Variants in RAPGEF4 observed in about 807,000 individuals in gnomAD.
The protein encoded by RAPGEF4 is Rap guanine nucleotide exchange factor 4.
RAPGEF4 carries 66 observed loss-of-function variants against 147.9 expected under a neutral mutation model. The observed-to-expected ratio is 0.45, with a 90% CI of 0.37 to 0.55. The LOEUF (loss-of-function observed/expected upper bound fraction) is 0.55. RAPGEF4 is among the 20% of genes least tolerant of loss of function. The pLI is 0.00. For synonymous variants in RAPGEF4, 419 were observed against 442.7 expected, an observed-to-expected ratio of 0.95 and a Z score of 0.67; for missense variants, 1,071 against 1,257.3, an observed-to-expected ratio of 0.85 and a Z score of 2.24.
At chr2:172,876,328 GT>G (rs1458442667) in intron 4 of RAPGEF4, among the ~76,000 whole-genome samples, 5 of 152,244 alleles carry the variant, frequency 3.3e-5, no homozygotes, top group African/African-American at 1.2e-4. Context: ...TCTTGTGCCA[GT>G]TTTCAAAGGG....
chr2:172,833,666 TAAAG>T (rs1463264271), intron 4 of RAPGEF4, among the ~76,000 whole-genome samples: 2 of 152,220 alleles, frequency 1.3e-5, no homozygotes, highest in African/African-American at 4.8e-5. Context: ...CTTTGTAAAT[TAAAG>T]AAACGTGCCC....
At chr2:172,773,229 T>C (rs1410311521) in intron 1 of RAPGEF4, among the ~76,000 whole-genome samples, 2 of 152,312 alleles carry the variant, frequency 1.3e-5, no homozygotes, top group African/African-American at 4.8e-5. Flanking sequence ...CAAATAATCA[T>C]GCCACATGTG....
chr2:172,814,800 G>A (rs1264794984), intron 4 of RAPGEF4: 3 of 291,056 alleles, frequency 1.0e-5, no homozygotes, highest in Non-Finnish European at 2.0e-5. Context: ...TGTTCCCTGG[G>A]AAAGTGGAAT....
At chr2:172,929,244 G>A (rs1685677117) in intron 6 of RAPGEF4, among the ~76,000 whole-genome samples, 1 of 152,138 alleles carries the variant, frequency 6.6e-6, no homozygotes, top group African/African-American at 2.4e-5. Flanking sequence ...ATCTAGTGTT[G>A]ACATGTCATT....
chr2:172,854,493 T>C (rs1693201253), intron 4 of RAPGEF4, among the ~76,000 whole-genome samples: 1 of 152,066 alleles, frequency 6.6e-6, no homozygotes, highest in Non-Finnish European at 1.5e-5. Flanking sequence ...ATAAAGAACA[T>C]ATAGATGAAT....
In RAPGEF4 at chr2:172,881,104, A is replaced by G. The variant is rs560119473; in HGVS notation, c.445-36698A>G. Among the ~76,000 whole-genome samples the G allele has an allele frequency of 8.5e-5, 13 of 152,350 alleles. No homozygotes were observed. The South Asian group carries it at 2.7e-3, about 32-fold the overall frequency. ...ATTGTCCTGTGCACAACACAGAAAT[A>G]CTGCCCACGCTTGTGGAGGTGTGTG... On this transcript the variant is annotated intron_variant, in intron 4 of 30. Coordinates refer to ENST00000397081, the MANE Select transcript of RAPGEF4 (RefSeq NM_007023.4).
chr2:172,885,509 T>C (rs938625980), intron 4 of RAPGEF4, among the ~76,000 whole-genome samples: 4 of 152,156 alleles, frequency 2.6e-5, no homozygotes, highest in African/African-American at 9.7e-5. Flanking sequence ...AAAGAAGTGT[T>C]TTATTGGACT....
At chr2:172,946,000 G>A (rs1409071017) in intron 6 of RAPGEF4, among the ~76,000 whole-genome samples, 1 of 152,168 alleles carries the variant, frequency 6.6e-6, no homozygotes, top group Non-Finnish European at 1.5e-5. Context: ...TTCCAAATAT[G>A]AGTGGGTAAG....
At chr2:172,873,150 T>A (rs1000886154) in intron 4 of RAPGEF4, among the ~76,000 whole-genome samples, 4 of 152,210 alleles carry the variant, frequency 2.6e-5, no homozygotes, top group Non-Finnish European at 5.9e-5. Context: ...AATGTGTCTA[T>A]AATTGCATTC....
chr2:172,974,413 G>A (rs1000277342), intron 10 of RAPGEF4, among the ~76,000 whole-genome samples: 2 of 152,180 alleles, frequency 1.3e-5, no homozygotes, highest in Non-Finnish European at 2.9e-5. Context: ...GCTGGGTGTG[G>A]TGGTTCATAC....
rs377280100 is a variant in RAPGEF4, at chr2:173,048,703, G to T, written c.2908+49G>T. 8.1e-6 allele frequency: 13 copies of T among 1,613,154 alleles called. No individual in the cohort carries two copies. The African/African-American group carries it at 1.2e-4, about 15-fold the overall frequency. Reference sequence around the variant, plus strand: ...TACAATGTAGATGTTGGTGATTAAGGTCTTCTTAATGAGGCCATTGAGACA... The same window carrying T: ...TACAATGTAGATGTTGGTGATTAAGTTCTTCTTAATGAGGCCATTGAGACA... On this transcript the variant is annotated intron_variant, in intron 30 of 30. Coordinates refer to ENST00000397081, the MANE Select transcript of RAPGEF4 (RefSeq NM_007023.4).
chr2:172,960,615 C>A, intron 6 of RAPGEF4, 145 bp from the exon 7 acceptor site: 1 of 576,034 alleles, frequency 1.7e-6, no homozygotes, highest in South Asian at 3.1e-5. Flanking sequence ...CATTCAAGTT[C>A]TTTAGGCAGA....
chr2:172,746,181 G>A (rs1483978158), intron 1 of RAPGEF4, among the ~76,000 whole-genome samples: 1 of 152,222 alleles, frequency 6.6e-6, no homozygotes, highest in African/African-American at 2.4e-5. Flanking sequence ...TGAATGAAGA[G>A]TAATAAGACT....
chr2:172,902,698 G>T (rs1699199540), intron 4 of RAPGEF4, among the ~76,000 whole-genome samples: 1 of 152,082 alleles, frequency 6.6e-6, no homozygotes, highest in Non-Finnish European at 1.5e-5. Context: ...GGAAATGTAG[G>T]GCCTAATCTG....
At position 173,030,248 on chromosome 2, in the gene RAPGEF4, G is replaced by A. The variant is rs751595361; in HGVS notation, c.2643G>A (p.Thr881=). 6.2e-6 allele frequency: 10 copies of A among 1,610,970 alleles called. No homozygotes were observed. The highest frequency in any genetic ancestry group is 2.7e-5 in the African/African-American group (2 of 74,874). The part of the protein sequence containing the change: ...SNVAVSRLAL[T]WEKLPSKFKK... The stretch of plus-strand genomic sequence containing the variant: ...TTGCTGTGAGCCGCTTGGCACTAAC[G>A]TGGGAGGTAAGCTTCAGCTAGGATC... The change falls in exon 26 of 31, where the codon ACG becomes ACA. Residue 881 remains threonine (T), a synonymous_variant. Coordinates refer to ENST00000397081, the MANE Select transcript of RAPGEF4 (RefSeq NM_007023.4).
chr2:173,006,642 CTT>C (rs1353205603), intron 17 of RAPGEF4, among the ~76,000 whole-genome samples: 1 of 152,166 alleles, frequency 6.6e-6, no homozygotes, highest in Non-Finnish European at 1.5e-5. Flanking sequence ...TCATAAAAAT[CTT>C]TGTGAAATTG....
chr2:172,738,730 C>T (rs1251767693), intron 1 of RAPGEF4, among the ~76,000 whole-genome samples: 1 of 152,096 alleles, frequency 6.6e-6, no homozygotes, highest in Non-Finnish European at 1.5e-5. Flanking sequence ...GAATATGATG[C>T]TGGGACCTTT....
chr2:172,789,301 C>G (rs558563681), intron 1 of RAPGEF4, among the ~76,000 whole-genome samples: 1 of 152,324 alleles, frequency 6.6e-6, no homozygotes, highest in African/African-American at 2.4e-5. Flanking sequence ...AGAGTGATCT[C>G]TCTTCACTTT....
intron 16 of RAPGEF4, 34 bp from the exon 17 acceptor site, chr2:173,001,232 C>A (rs752843797): frequency 3.1e-6 from 5 of 1,606,048 alleles, no homozygotes; most frequent in Non-Finnish European, 4.2e-6. Flanking sequence ...TCCACAAGAA[C>A]CTAATTTCCT....
Sources: allele counts gnomAD v4.1 joint callset (sites outside exome capture counted in the v4.1 genomes callset), GRCh38; gene constraint gnomAD v4.1.1; transcripts MANE v1.5; gene names NCBI Gene and HGNC (gene_info 2026-07-23, HGNC 2026-07-21).